The following MTA3 variants were observed in gnomAD, a reference collection of about 807,000 sequenced individuals.
MTA3 encodes metastasis associated 1 family member 3.
A neutral mutation model predicts 83.5 loss-of-function variants in MTA3; 34 were observed. The observed-to-expected ratio is 0.41, with a 90% CI of 0.31 to 0.54. The LOEUF (loss-of-function observed/expected upper bound fraction) is 0.54, where lower values mean the gene tolerates loss of function less well. MTA3 is among the 20% of genes least tolerant of loss of function. MTA3 has a pLI of 0.33. For synonymous variants in MTA3, 303 were observed against 252.7 expected, an observed-to-expected ratio of 1.20 and a Z score of -1.89; for missense variants, 761 against 726.4, an observed-to-expected ratio of 1.05 and a Z score of -0.55.
chr2:42,667,962 C>G (rs530149416), intron 8 of MTA3, among the ~76,000 whole-genome samples: 2 of 152,302 alleles, frequency 1.3e-5, no homozygotes, highest in South Asian at 2.1e-4. Flanking sequence ...TTCTTTTCCC[C>G]CATCAATCTG....
intron 4 of MTA3, among the ~76,000 whole-genome samples, chr2:42,632,192 C>A (rs1172764121): frequency 6.8e-6 from 1 of 147,900 alleles, no homozygotes; most frequent in African/African-American, 2.5e-5. Context: ...CAGGTTCACG[C>A]CATTCTCCTG....
At chr2:42,569,807 A>G (rs1195570773) in intron 1 of MTA3, 1 of 152,200 alleles carries the variant, frequency 6.6e-6, no homozygotes, top group Non-Finnish European at 1.5e-5. Context: ...TAAATATGGT[A>G]AAAGGGTAAA....
chr2:42,597,276 G>A (rs890446424), intron 3 of MTA3, among the ~76,000 whole-genome samples: 7 of 151,746 alleles, frequency 4.6e-5, no homozygotes, highest in South Asian at 2.1e-4. Context: ...TGTTGCCCAG[G>A]CTGGTCTCAA....
chr2:42,746,758 C>T (rs972848813), intron 16 of MTA3, among the ~76,000 whole-genome samples: 3 of 152,214 alleles, frequency 2.0e-5, no homozygotes, highest in South Asian at 4.1e-4. Context: ...ATGCATAGGG[C>T]GAGGCATGTG....
intron 2 of MTA3, among the ~76,000 whole-genome samples, chr2:42,554,778 G>A (rs1406673549): frequency 6.6e-6 from 1 of 152,192 alleles, no homozygotes; most frequent in Non-Finnish European, 1.5e-5. Flanking sequence ...TTTGTGTGCA[G>A]CAGGTGGAGG....
At chr2:42,699,640 C>T (rs897902209) in intron 11 of MTA3, among the ~76,000 whole-genome samples, 11 of 151,532 alleles carry the variant, frequency 7.3e-5, no homozygotes, top group Non-Finnish European at 7.4e-5. Flanking sequence ...TTATGGCGGG[C>T]GGGGGTGTCA....
intron 4 of MTA3, among the ~76,000 whole-genome samples, chr2:42,636,096 T>G (rs748635383): frequency 9.9e-5 from 15 of 152,242 alleles, no homozygotes; most frequent in Admixed American, 3.3e-4. Flanking sequence ...TTTAGTGAAC[T>G]TAAAAAAGTT....
chr2:42,699,719 G>A (rs1693696949), intron 11 of MTA3, among the ~76,000 whole-genome samples: 1 of 152,144 alleles, frequency 6.6e-6, no homozygotes, highest in African/African-American at 2.4e-5. Context: ...CAGAAACTGT[G>A]GCAGAGAATC....
intron 2 of MTA3, among the ~76,000 whole-genome samples, chr2:42,498,523 G>A (rs562562646): frequency 6.6e-6 from 1 of 152,230 alleles, no homozygotes; most frequent in Admixed American, 6.5e-5. Flanking sequence ...AGGCTTGGGG[G>A]AAAAGCTATA....
chr2:42,678,814 A>C (rs925051914), intron 8 of MTA3, among the ~76,000 whole-genome samples: 3 of 152,174 alleles, frequency 2.0e-5, no homozygotes, highest in Non-Finnish European at 4.4e-5. Flanking sequence ...ATACATATTA[A>C]TGCATACTTT....
At chr2:42,568,811 G>T (rs770660545) in intron 1 of MTA3, 38 bp downstream of exon 1, 1 of 1,214,650 alleles carries the variant, frequency 8.2e-7, no homozygotes, top group South Asian at 4.1e-5. Flanking sequence ...GTGTGGGAGC[G>T]GGTTCCGGGA....
intron 4 of MTA3, among the ~76,000 whole-genome samples, chr2:42,636,257 T>C (rs1272415802): frequency 1.3e-5 from 2 of 152,108 alleles, no homozygotes; most frequent in African/African-American, 4.8e-5. Context: ...AAAGAAAGTT[T>C]GGGCCAAGTG....
At chr2:42,577,526 G>C (rs1365665238) in intron 2 of MTA3, among the ~76,000 whole-genome samples, 1 of 151,316 alleles carries the variant, frequency 6.6e-6, no homozygotes, top group Non-Finnish European at 1.5e-5. Context: ...TGTCACCCAG[G>C]CTGGAGTGCA....
At chr2:42,522,607 G>C (rs1195931319) in intron 2 of MTA3, among the ~76,000 whole-genome samples, 1 of 151,614 alleles carries the variant, frequency 6.6e-6, no homozygotes, top group Non-Finnish European at 1.5e-5. Flanking sequence ...ACCATCCTGG[G>C]CATCACAGGG....
chr2:42,576,505 C>T (rs899387323), intron 2 of MTA3, among the ~76,000 whole-genome samples: 6 of 152,192 alleles, frequency 3.9e-5, no homozygotes, highest in East Asian at 1.9e-4. Context: ...TGGCTCAGGC[C>T]TGTAGTCCCA....
At chr2:42,631,308 T>G (rs956943549) in intron 4 of MTA3, among the ~76,000 whole-genome samples, 1 of 152,194 alleles carries the variant, frequency 6.6e-6, no homozygotes, top group African/African-American at 2.4e-5. Context: ...CAGCTTAACA[T>G]TTTATAGTGT....
At chr2:42,743,455 A>C (rs1410815410) in intron 16 of MTA3, among the ~76,000 whole-genome samples, 2 of 152,176 alleles carry the variant, frequency 1.3e-5, no homozygotes, top group Non-Finnish European at 2.9e-5. Context: ...AAGAGAGATG[A>C]GTTTTCAGTG....
At chr2:42,622,214 C>G (rs916579448) in intron 4 of MTA3, among the ~76,000 whole-genome samples, 3 of 152,166 alleles carry the variant, frequency 2.0e-5, no homozygotes, top group Non-Finnish European at 4.4e-5. Flanking sequence ...ACCAGCCCGG[C>G]CAACACAGCG....
intron 16 of MTA3, among the ~76,000 whole-genome samples, chr2:42,727,195 C>G (rs760132745): frequency 4.6e-5 from 7 of 152,086 alleles, no homozygotes; most frequent in Non-Finnish European, 1.0e-4. Context: ...GAGATCCTGT[C>G]TCTTAAAAAG....
Sources: allele counts gnomAD v4.1 joint callset (sites outside exome capture counted in the v4.1 genomes callset), GRCh38; gene constraint gnomAD v4.1.1; transcripts MANE v1.5; gene names NCBI Gene and HGNC (gene_info 2026-07-23, HGNC 2026-07-21).